Variants in LARGE1 observed in about 807,000 individuals in gnomAD.
LARGE1 encodes LARGE xylosyl- and glucuronyltransferase 1.
A neutral mutation model predicts 87.6 loss-of-function variants in LARGE1; 43 were observed. The observed-to-expected ratio is 0.49, with a 90% confidence interval of 0.38 to 0.63. The LOEUF (loss-of-function observed/expected upper bound fraction) is 0.63. LARGE1 is among the 30% of genes least tolerant of loss of function. The pLI is 0.00. For missense variants in LARGE1, 802 were observed against 1,000.2 expected, an observed-to-expected ratio of 0.80 and a Z score of 2.67; for synonymous variants, 434 against 394.6, an observed-to-expected ratio of 1.10 and a Z score of -1.18.
chr22:33,822,128 T>G (rs546367735), intron 1 of LARGE1, among the ~76,000 whole-genome samples: 6 of 152,312 alleles, frequency 3.9e-5, no homozygotes, highest in Admixed American at 3.9e-4. Flanking sequence ...ATAGGCACTA[T>G]GTAGCATTAA....
At chr22:33,811,770 C>G (rs2086502740) in intron 1 of LARGE1, among the ~76,000 whole-genome samples, 1 of 152,140 alleles carries the variant, frequency 6.6e-6, no homozygotes, top group Non-Finnish European at 1.5e-5. Flanking sequence ...ATGAGCTGCT[C>G]TGAGCCTTAG....
chr22:33,777,621 C>A (rs1601592695), intron 1 of LARGE1, among the ~76,000 whole-genome samples: 1 of 119,696 alleles, frequency 8.4e-6, no homozygotes, highest in Admixed American at 1.1e-4. Context: ...CCAGTCTGGG[C>A]AACAGAGAGG....
Position 33,457,983 on chromosome 22 carries a change from C to T in LARGE1, c.788-25718G>A, listed in dbSNP as rs142112736. ...TCTCTGAGCTTTGGTTTGCTCTTGT[C>T]AAATGAGGCTAATAAAACCTACCTG... On this transcript the variant is annotated intron_variant, in intron 6 of 14. Coordinates refer to ENST00000397394, the MANE Select transcript of LARGE1 (RefSeq NM_133642.5). Among the ~76,000 whole-genome samples the T allele has an allele frequency of 2.8e-3, 429 of 152,198 alleles. 2 individuals are homozygous for T. Among genetic ancestry groups the T allele is most frequent in the Middle Eastern group, 0.024 (7 of 294 alleles).
chr22:33,733,515 A>G (rs1252803614), intron 2 of LARGE1: 1 of 152,226 alleles, frequency 6.6e-6, no homozygotes, highest in Non-Finnish European at 1.5e-5. Context: ...AGAGACTCAA[A>G]TAGAGATGAC....
chr22:33,689,632 G>A (rs1173410618), intron 2 of LARGE1, among the ~76,000 whole-genome samples: 2 of 152,100 alleles, frequency 1.3e-5, no homozygotes, highest in Non-Finnish European at 2.9e-5. Context: ...AAAAAGGTGA[G>A]GTGGGGGAGA....
intron 7 of LARGE1, among the ~76,000 whole-genome samples, chr22:33,420,993 G>C (rs900660147): frequency 6.6e-6 from 1 of 152,144 alleles, no homozygotes; most frequent in African/African-American, 2.4e-5. Context: ...TTCGAGACCA[G>C]CCCGGCCAAC....
intron 1 of LARGE1, among the ~76,000 whole-genome samples, chr22:33,863,173 T>C (rs2063982888): frequency 6.6e-6 from 1 of 152,156 alleles, no homozygotes; most frequent in Non-Finnish European, 1.5e-5. Context: ...TGCCACTCAG[T>C]CACTCCTTTA....
intron 5 of LARGE1, among the ~76,000 whole-genome samples, chr22:33,595,687 C>T (rs2078958952): frequency 6.6e-6 from 1 of 152,200 alleles, no homozygotes; most frequent in African/African-American, 2.4e-5. Context: ...GGTTGATGCA[C>T]ACTGTGTAGC....
chr22:33,828,696 T>C (rs1213589422), intron 1 of LARGE1, among the ~76,000 whole-genome samples: 2 of 152,204 alleles, frequency 1.3e-5, no homozygotes, highest in African/African-American at 4.8e-5. Flanking sequence ...GTCCCTAACG[T>C]TGTGCCCAAC....
rs886057467 is a variant in LARGE1 at position 33,920,255 on chromosome 22, G to A, written c.-343C>T. The A allele has an allele frequency of 6.5e-6, 1 of 152,782 alleles. No individual in the cohort carries two copies. The highest frequency in any genetic ancestry group is 1.5e-5 in the Non-Finnish European group (1 of 68,582). 9.5% of individuals were successfully genotyped at this position (152,782 alleles called of 1,614,324 possible). A position where few individuals can be genotyped will look rare whatever the true frequency, so the allele number is the denominator to read the frequency against. On this transcript the variant is annotated 5_prime_UTR_variant, in exon 1 of 15. Coordinates refer to ENST00000397394, the MANE Select transcript of LARGE1 (RefSeq NM_133642.5). ...GCCTGGAGCTGCTCCCGGCCCGGGG[G>A]ACTCTTCCGAGCCAGGGGCGCCCCG...
At chr22:33,528,658 G>A (rs2072035212) in intron 6 of LARGE1, among the ~76,000 whole-genome samples, 1 of 152,172 alleles carries the variant, frequency 6.6e-6, no homozygotes, top group African/African-American at 2.4e-5. Context: ...CAGGTTAGTA[G>A]ATATCAGTCT....
chr22:33,096,667 C>T, the LARGE1 span, among the ~76,000 whole-genome samples: 2 of 151,192 alleles, frequency 1.3e-5, no homozygotes, highest in Non-Finnish European at 2.9e-5. Flanking sequence ...CGGGTTCACG[C>T]CATTCTCCTG....
At chr22:33,211,614 A>G (rs2146233622) in intron 11 of LARGE1, among the ~76,000 whole-genome samples, 1 of 152,302 alleles carries the variant, frequency 6.6e-6, no homozygotes, top group Non-Finnish European at 1.5e-5. Context: ...TCTACTAAAA[A>G]TACAAAAGAT....
chr22:33,266,804 T>C (rs777687221), intron 11 of LARGE1, among the ~76,000 whole-genome samples: 2 of 151,424 alleles, frequency 1.3e-5, no homozygotes, highest in Non-Finnish European at 2.9e-5. Flanking sequence ...TCCCTGTCCT[T>C]ATACCTCACA....
chr22:33,420,451 G>C (rs1042614391), intron 7 of LARGE1, among the ~76,000 whole-genome samples: 65 of 152,318 alleles, frequency 4.3e-4, no homozygotes, highest in African/African-American at 1.5e-3. Context: ...AAAAGTGCTG[G>C]AGGAGAATAA....
the LARGE1 span, among the ~76,000 whole-genome samples, chr22:33,156,231 C>T: frequency 6.6e-6 from 1 of 152,152 alleles, no homozygotes; most frequent in Non-Finnish European, 1.5e-5. Flanking sequence ...CAGCATCCTC[C>T]AGATCCCAGA....
chr22:33,327,778 A>C (rs1207554818), intron 10 of LARGE1, among the ~76,000 whole-genome samples: 3 of 152,156 alleles, frequency 2.0e-5, no homozygotes, highest in Non-Finnish European at 2.9e-5. Context: ...CTGGGGCTCA[A>C]GTGATCTTCC....
At chr22:33,587,624 C>A (rs1192493562) in intron 5 of LARGE1, among the ~76,000 whole-genome samples, 4 of 152,102 alleles carry the variant, frequency 2.6e-5, no homozygotes, top group Admixed American at 6.5e-5. Context: ...GTTTCAAGTA[C>A]AATTTTTCCA....
chr22:33,875,823 C>T (rs1373491946), intron 1 of LARGE1, among the ~76,000 whole-genome samples: 7 of 152,060 alleles, frequency 4.6e-5, no homozygotes, highest in East Asian at 1.9e-4. Context: ...CTGACACCTC[C>T]GGCAGCCCCA....
Sources: allele counts gnomAD v4.1 joint callset (sites outside exome capture counted in the v4.1 genomes callset), GRCh38; gene constraint gnomAD v4.1.1; transcripts MANE v1.5; gene names NCBI Gene and HGNC (gene_info 2026-07-23, HGNC 2026-07-21).